Variants in LRBA observed in about 807,000 individuals in gnomAD.
LRBA encodes the protein lipopolysaccharide-responsive and beige-like anchor protein.
Under a neutral mutation model 330.0 loss-of-function variants are expected in LRBA, and 176 were observed. The observed-to-expected ratio is 0.53, with a 90% confidence interval of 0.47 to 0.60. LRBA has a LOEUF of 0.60. Among genes scored for constraint, LRBA ranks in the 20% least tolerant of loss-of-function variants. LRBA has a pLI of 0.00. For missense variants in LRBA, 3,259 were observed against 3,444.8 expected, an observed-to-expected ratio of 0.95 and a Z score of 1.35; for synonymous variants, 1,230 against 1,193.0, an observed-to-expected ratio of 1.03 and a Z score of -0.64.
intron 36 of LRBA, among the ~76,000 whole-genome samples, chr4:150,704,152 T>C (rs1785385438): frequency 6.6e-6 from 1 of 152,128 alleles, no homozygotes. Context: ...GGTTTGAGGC[T>C]GCAATGCACC....
At position 150,404,613 on chromosome 4, in the gene LRBA, C is replaced by CCA. The variant is rs368057391; in HGVS notation, c.7194+10824_7194+10825insTG. 2.0e-3 allele frequency among the ~76,000 whole-genome samples: 304 copies of CCA among 152,200 alleles called. 2 individuals are homozygous for CCA. The highest frequency in any genetic ancestry group is 7.1e-3 in the African/African-American group (294 of 41,528). On this transcript the variant is annotated intron_variant, in intron 47 of 56. Transcript: ENST00000651943. ...GAGGGAGAAATCTGGCATTTCCCCC[C>CCA]ACACTTTCAGCTATATCACTGAGGC...
intron 2 of LRBA, among the ~76,000 whole-genome samples, chr4:150,973,968 A>G (rs928534325): frequency 5.3e-5 from 8 of 152,264 alleles, no homozygotes; most frequent in African/African-American, 1.9e-4. Context: ...ATCAAATATA[A>G]GACGCACTCG....
intron 53 of LRBA, among the ~76,000 whole-genome samples, chr4:150,296,672 A>C (rs1224052394): frequency 1.3e-5 from 2 of 152,222 alleles, no homozygotes; most frequent in African/African-American, 4.8e-5. Context: ...TTCGTAAAAA[A>C]AAAATCAGAG....
chr4:150,802,807 G>A (rs897833369), intron 33 of LRBA, among the ~76,000 whole-genome samples: 15 of 151,712 alleles, frequency 9.9e-5, no homozygotes, highest in Middle Eastern at 3.2e-3. Context: ...AGGACTGCTC[G>A]GGGTCAGGAG....
intron 37 of LRBA, among the ~76,000 whole-genome samples, chr4:150,609,275 A>G (rs1409271985): frequency 6.6e-6 from 1 of 152,188 alleles, no homozygotes; most frequent in Non-Finnish European, 1.5e-5. Context: ...CCTAGCAACC[A>G]CTTTTCACCA....
At chr4:150,601,373 T>C (rs535148633) in intron 37 of LRBA, among the ~76,000 whole-genome samples, 25 of 152,282 alleles carry the variant, frequency 1.6e-4, no homozygotes, top group Admixed American at 5.9e-4. Context: ...TCAATGGCTA[T>C]TAAGCATATG....
intron 30 of LRBA, among the ~76,000 whole-genome samples, chr4:150,820,997 T>C (rs1316458505): frequency 6.6e-6 from 1 of 152,088 alleles, no homozygotes; most frequent in Non-Finnish European, 1.5e-5. Context: ...GAAAATGCAA[T>C]ATGCATTTGA....
chr4:150,997,572 G>A (rs1742804741), intron 2 of LRBA, among the ~76,000 whole-genome samples: 1 of 152,034 alleles, frequency 6.6e-6, no homozygotes, highest in South Asian at 2.1e-4. Context: ...CAAGAAAGAT[G>A]CCTAAGGGGA....
intron 17 of LRBA, among the ~76,000 whole-genome samples, chr4:150,876,293 G>C (rs998002649): frequency 6.6e-6 from 1 of 152,066 alleles, no homozygotes; most frequent in African/African-American, 2.4e-5. Context: ...AAAACAACCT[G>C]GAAAATATAT....
chr4:150,922,864 T>C (rs531400349), intron 4 of LRBA, among the ~76,000 whole-genome samples: 1 of 152,338 alleles, frequency 6.6e-6, no homozygotes, highest in East Asian at 1.9e-4. Flanking sequence ...GATGGTATTA[T>C]TATGATTATC....
At chr4:150,897,995 T>C (rs550749083) in intron 14 of LRBA, among the ~76,000 whole-genome samples, 177 bp from the exon 15 acceptor site, 1 of 152,202 alleles carries the variant, frequency 6.6e-6, no homozygotes, top group African/African-American at 2.4e-5. Context: ...TTACATGCAC[T>C]GTATACACAA....
At chr4:150,268,903 A>T (rs753757073) in intron 56 of LRBA, among the ~76,000 whole-genome samples, 1 of 152,182 alleles carries the variant, frequency 6.6e-6, no homozygotes, top group Non-Finnish European at 1.5e-5. Flanking sequence ...GCAATTACAC[A>T]AGAAAAAAGT....
chr4:150,654,858 A>G (rs1395712610), intron 37 of LRBA, among the ~76,000 whole-genome samples: 1 of 152,018 alleles, frequency 6.6e-6, no homozygotes, highest in Non-Finnish European at 1.5e-5. Flanking sequence ...CCATGTCCCT[A>G]CAAAGGACAT....
In LRBA at chr4:150,443,847, T is replaced by TTAAAAAA. The variant is rs1554027866; in HGVS notation, c.6781-6984_6781-6983insTTTTTTA. ...TGTATCCTAGAACTTAAAGTATAAT[T>TTAAAAAA]AAAAAAATATATATATATATATATA... On this transcript the variant is annotated intron_variant, in intron 44 of 56. Coordinates refer to ENST00000651943, the MANE Select transcript of LRBA (RefSeq NM_001364905.1). Among the ~76,000 whole-genome samples the TTAAAAAA allele has an allele frequency of 4.2e-3, 223 of 53,722 alleles. 2 individuals carry two copies. The highest frequency in any genetic ancestry group is 7.7e-3 in the Non-Finnish European group (193 of 24,996). 35.2% of individuals were successfully genotyped at this position (53,722 alleles called of 152,430 possible).
chr4:150,833,762 G>C (rs1285427337), intron 28 of LRBA, among the ~76,000 whole-genome samples: 1 of 151,900 alleles, frequency 6.6e-6, no homozygotes, highest in Non-Finnish European at 1.5e-5. Flanking sequence ...AATAAGACAA[G>C]AAACTTTGCC....
At chr4:150,495,088 A>G (rs548005453) in intron 40 of LRBA, among the ~76,000 whole-genome samples, 5 of 152,300 alleles carry the variant, frequency 3.3e-5, no homozygotes, top group African/African-American at 1.2e-4. Flanking sequence ...ATTATTCTAT[A>G]CATCTATAAG....
At chr4:150,635,747 C>T (rs1251607069) in intron 37 of LRBA, among the ~76,000 whole-genome samples, 2 of 152,088 alleles carry the variant, frequency 1.3e-5, no homozygotes, top group African/African-American at 4.8e-5. Flanking sequence ...AAAACTGATA[C>T]ATTATTACCT....
At chr4:150,466,828 A>G (rs1302489126) in intron 44 of LRBA, among the ~76,000 whole-genome samples, 1 of 152,120 alleles carries the variant, frequency 6.6e-6, no homozygotes, top group Non-Finnish European at 1.5e-5. Context: ...TTGAACTCAT[A>G]ATGTATTTCA....
chr4:150,305,815 C>G (rs546054765), intron 52 of LRBA, among the ~76,000 whole-genome samples: 1 of 152,278 alleles, frequency 6.6e-6, no homozygotes, highest in South Asian at 2.1e-4. Flanking sequence ...CCTGTTCTGG[C>G]AGCCTTCCTC....
Sources: allele counts gnomAD v4.1 joint callset (sites outside exome capture counted in the v4.1 genomes callset), GRCh38; gene constraint gnomAD v4.1.1; transcripts MANE v1.5; gene names NCBI Gene and HGNC (gene_info 2026-07-23, HGNC 2026-07-21).